Variants in LYPLAL1 observed in about 807,000 individuals in gnomAD.
LYPLAL1 encodes the protein lysophospholipase like 1, also known as lysophospholipase-like protein 1.
Under a neutral mutation model 19.7 loss-of-function variants are expected in LYPLAL1, and 23 were observed. That is an observed-to-expected ratio of 1.17 (90% confidence interval 0.84 to 1.65). The LOEUF is 1.65. Among genes scored for constraint, LYPLAL1 ranks in the 40% most tolerant of loss-of-function variants. LYPLAL1 has a pLI of 0.00. For synonymous variants in LYPLAL1, 119 were observed against 96.3 expected, an observed-to-expected ratio of 1.24 and a Z score of -1.38; for missense variants, 355 against 279.4, an observed-to-expected ratio of 1.27 and a Z score of -1.93.
the LYPLAL1 span, among the ~76,000 whole-genome samples, chr1:219,273,646 G>A: frequency 2.6e-5 from 4 of 152,224 alleles, no homozygotes; most frequent in Middle Eastern, 3.4e-3. Flanking sequence ...CTGTTCCAAC[G>A]TACTGTTCCT....
chr1:219,366,951 G>A, the LYPLAL1 span, among the ~76,000 whole-genome samples: 1 of 151,862 alleles, frequency 6.6e-6, no homozygotes, highest in Admixed American at 6.6e-5. Flanking sequence ...TCACAACTTT[G>A]GTAGAGCCCA....
the LYPLAL1 span, among the ~76,000 whole-genome samples, chr1:219,322,966 A>G: frequency 6.6e-6 from 1 of 152,314 alleles, no homozygotes; most frequent in South Asian, 2.1e-4. Context: ...TCTGTGGGAA[A>G]TTGGCTTCCT....
chr1:219,302,677 G>A, the LYPLAL1 span, among the ~76,000 whole-genome samples: 2 of 152,084 alleles, frequency 1.3e-5, no homozygotes, highest in East Asian at 1.9e-4. Context: ...CCTAGTGTGG[G>A]GCACACCTTA....
the LYPLAL1 span, among the ~76,000 whole-genome samples, chr1:219,362,629 C>A: frequency 6.6e-6 from 1 of 152,096 alleles, no homozygotes; most frequent in Admixed American, 6.6e-5. Flanking sequence ...CTCAACGTAC[C>A]TGCAGGAAAT....
chr1:219,348,428 C>T, the LYPLAL1 span, among the ~76,000 whole-genome samples: 2 of 152,210 alleles, frequency 1.3e-5, no homozygotes, highest in African/African-American at 4.8e-5. Context: ...TGAAAGGGGC[C>T]TCTGCAGGTC....
the LYPLAL1 span, among the ~76,000 whole-genome samples, chr1:219,375,440 A>G: frequency 6.8e-6 from 1 of 147,448 alleles, no homozygotes; most frequent in Non-Finnish European, 1.5e-5. Flanking sequence ...CACTCGAGCC[A>G]GGATCGCAGC....
chr1:219,258,503 C>G, the LYPLAL1 span, among the ~76,000 whole-genome samples: 2 of 152,050 alleles, frequency 1.3e-5, no homozygotes, highest in African/African-American at 4.8e-5. Context: ...TTACTTTCAA[C>G]TATACTATGC....
chr1:219,303,116 T>C, the LYPLAL1 span, among the ~76,000 whole-genome samples: 2 of 152,236 alleles, frequency 1.3e-5, no homozygotes, highest in South Asian at 4.1e-4. Context: ...GATTTTTATA[T>C]TTTATTATCT....
chr1:219,353,838 T>C, the LYPLAL1 span, among the ~76,000 whole-genome samples: 1 of 151,766 alleles, frequency 6.6e-6, no homozygotes, highest in East Asian at 1.9e-4. Context: ...GACCGAGAAA[T>C]TGAAATTAAC....
At chr1:219,330,711 A>G in the LYPLAL1 span, among the ~76,000 whole-genome samples, 13 of 152,314 alleles carry the variant, frequency 8.5e-5, no homozygotes, top group African/African-American at 3.1e-4. Context: ...CACTTACTCC[A>G]CAGTTGAGAG....
the LYPLAL1 span, among the ~76,000 whole-genome samples, chr1:219,279,786 A>AT: frequency 1.3e-5 from 2 of 152,132 alleles, no homozygotes; most frequent in African/African-American, 4.8e-5. Flanking sequence ...AGTCAAAAGG[A>AT]TTTTTCACAG....
At chr1:219,189,406 T>G (rs916193528) in intron 2 of LYPLAL1, among the ~76,000 whole-genome samples, 1 of 151,666 alleles carries the variant, frequency 6.6e-6, no homozygotes, top group African/African-American at 2.4e-5. Context: ...AGGTTTCATT[T>G]TGTCTGACAA....
At chr1:219,425,860 A>T in the LYPLAL1 span, among the ~76,000 whole-genome samples, 62 of 152,240 alleles carry the variant, frequency 4.1e-4, no homozygotes, top group Non-Finnish European at 8.4e-4. Flanking sequence ...CAGGTAGCCT[A>T]CAAAGAGAAA....
intron 3 of LYPLAL1, among the ~76,000 whole-genome samples, chr1:219,203,846 T>A (rs558652870): frequency 6.6e-6 from 1 of 152,046 alleles, no homozygotes; most frequent in Non-Finnish European, 1.5e-5. Context: ...ATGCAATAGA[T>A]CTAGTAGAAT....
At chr1:219,377,560 TA>T in the LYPLAL1 span, among the ~76,000 whole-genome samples, 1 of 152,096 alleles carries the variant, frequency 6.6e-6, no homozygotes, top group African/African-American at 2.4e-5. Flanking sequence ...TGCCCCCACA[TA>T]CCTTTAGTTT....
At chr1:219,341,380 A>G in the LYPLAL1 span, among the ~76,000 whole-genome samples, 1 of 152,058 alleles carries the variant, frequency 6.6e-6, no homozygotes, top group African/African-American at 2.4e-5. Flanking sequence ...TTCAGCTCTA[A>G]ACTTTTACAC....
At chr1:219,233,533 T>C in the LYPLAL1 span, among the ~76,000 whole-genome samples, 1 of 152,178 alleles carries the variant, frequency 6.6e-6, no homozygotes, top group Non-Finnish European at 1.5e-5. Flanking sequence ...TTTAGGAGGC[T>C]AAGGCAAGTG....
the LYPLAL1 span, among the ~76,000 whole-genome samples, chr1:219,391,771 T>C: frequency 1.3e-5 from 2 of 152,168 alleles, no homozygotes; most frequent in South Asian, 2.1e-4. Context: ...CCTCAGTCTA[T>C]TGAACTCTTT....
chr1:219,234,948 C>T, the LYPLAL1 span, among the ~76,000 whole-genome samples: 1 of 148,894 alleles, frequency 6.7e-6, no homozygotes, highest in East Asian at 1.9e-4. Flanking sequence ...TTTCTTTATC[C>T]CTGTATTTGA....
Sources: allele counts gnomAD v4.1 joint callset (sites outside exome capture counted in the v4.1 genomes callset), GRCh38; gene constraint gnomAD v4.1.1; transcripts MANE v1.5; gene names NCBI Gene and HGNC (gene_info 2026-07-23, HGNC 2026-07-21).